Variants in TMEM123 observed in about 807,000 individuals in gnomAD.
TMEM123 encodes the protein porimin.
Under a neutral mutation model 19.7 loss-of-function variants are expected in TMEM123, and 16 were observed. The ratio of observed to expected loss-of-function variants is 0.81; its 90% CI spans 0.55 to 1.23. TMEM123 has a LOEUF of 1.23. TMEM123 is among the 50% of genes most tolerant of loss of function. TMEM123 has a pLI of 0.00. For synonymous variants in TMEM123, 118 were observed against 99.4 expected (o/e 1.19, Z -1.12); for missense variants, 313 against 257.8 (o/e 1.21, Z -1.47).
chr11:102,433,484 G>A (rs920655785), intron 2 of TMEM123, among the ~76,000 whole-genome samples: 1 of 151,850 alleles, frequency 6.6e-6, no homozygotes, highest in Non-Finnish European at 1.5e-5. Flanking sequence ...TACTCACATT[G>A]TATCTAGGAA....
At chr11:102,443,980 T>C (rs987717263) in intron 2 of TMEM123, among the ~76,000 whole-genome samples, 11 of 152,072 alleles carry the variant, frequency 7.2e-5, no homozygotes, top group Non-Finnish European at 1.3e-4. Context: ...GAAATGCAAA[T>C]CAAAACCACA....
chr11:102,438,132 C>A (rs1328107052), intron 2 of TMEM123, among the ~76,000 whole-genome samples: 1 of 152,198 alleles, frequency 6.6e-6, no homozygotes, highest in Non-Finnish European at 1.5e-5. Context: ...CGGCTCACTG[C>A]AATCTCTGCC....
intron 4 of TMEM123, 127 bp from the exon 5 acceptor site, chr11:102,399,018 T>C: frequency 1.2e-6 from 1 of 823,578 alleles, no homozygotes; most frequent in South Asian, 1.7e-5. Flanking sequence ...GTCAGTGTTC[T>C]GTGTAAAGTT....
intron 2 of TMEM123, among the ~76,000 whole-genome samples, chr11:102,424,844 A>G: frequency 6.6e-6 from 1 of 152,226 alleles, no homozygotes; most frequent in East Asian, 1.9e-4. Flanking sequence ...TCCTCAAGCC[A>G]CTACAGCCAG....
intron 2 of TMEM123, among the ~76,000 whole-genome samples, chr11:102,414,457 G>C (rs1442011613): frequency 6.6e-6 from 1 of 152,124 alleles, no homozygotes; most frequent in Non-Finnish European, 1.5e-5. Context: ...AGAAGGGGCA[G>C]GTAACTTACA....
chr11:102,399,870 TGAGGCAGGAGAATAGCTTGAACCCAG>T (rs1244502266), intron 4 of TMEM123, among the ~76,000 whole-genome samples: 1 of 151,722 alleles, frequency 6.6e-6, no homozygotes, highest in African/African-American at 2.4e-5. Flanking sequence ...CTGGGGAGGC[TGAGGCAGGAGAATAGCTTGAACCCAG>T]GAGGCAGAGG....
At chr11:102,448,316 C>T (rs964023530) in intron 2 of TMEM123, 6 of 455,612 alleles carry the variant, frequency 1.3e-5, no homozygotes, top group African/African-American at 1.2e-4. Context: ...AGGCCCAAGG[C>T]TTTGTCCCAA....
chr11:102,436,586 A>T (rs1857765249), intron 2 of TMEM123, among the ~76,000 whole-genome samples: 1 of 151,996 alleles, frequency 6.6e-6, no homozygotes, highest in Non-Finnish European at 1.5e-5. Context: ...AAAGAGATGA[A>T]GAGCCATGCA....
Position 102,401,690 on chromosome 11 carries a change from T to A in TMEM123, c.451A>T (p.Thr151Ser). ...TTTGCTTCAGAATGCATAGTTGTTG[T>A]GACTAGAACAAAAGAAAACAAAAAA... ...VTSAASSVTI[T>S]TTMHSEAKKG... is the part of the protein sequence containing the mutation. Residue 151 changes from threonine to serine, a missense_variant and splice_region_variant, in exon 4 of 5, where the codon ACA (threonine) becomes TCA (serine). Physicochemically the swap from Thr to Ser is moderately conservative, Grantham distance 58. Transcript: ENST00000398136. 2 of 1,576,748 alleles carry A rather than the reference T, an allele frequency of 1.3e-6. No homozygotes were observed. The highest frequency in any genetic ancestry group is 1.7e-6 in the Non-Finnish European group (2 of 1,170,852).
At chr11:102,399,889 G>A (rs1405080742) in intron 4 of TMEM123, among the ~76,000 whole-genome samples, 1 of 151,606 alleles carries the variant, frequency 6.6e-6, no homozygotes, top group East Asian at 1.9e-4. Context: ...AGAATAGCTT[G>A]AACCCAGGAG....
chr11:102,452,760 C>G lies in TMEM123; in HGVS notation c.-137G>C, dbSNP rs1021002379. 1.3e-4 allele frequency: 80 copies of G among 617,344 alleles called. No individual in the cohort carries two copies. The highest frequency in any genetic ancestry group is 1.8e-4 in the Non-Finnish European group (74 of 414,712). 38.2% of individuals were successfully genotyped at this position (617,344 alleles called of 1,614,324 possible). ...CGTTTCCCCTCCCGCCGCTTGCCCC[C>G]CGAATGACCAAATAGGGCGCAGGAG... is the stretch of plus-strand genomic sequence containing the variant. On this transcript the variant is annotated 5_prime_UTR_variant, in exon 1 of 5. Coordinates refer to ENST00000398136, the MANE Select transcript of TMEM123 (RefSeq NM_052932.3).
intron 2 of TMEM123, 106 bp downstream of exon 2, chr11:102,448,706 G>C: frequency 9.5e-7 from 1 of 1,053,456 alleles, no homozygotes; most frequent in South Asian, 1.3e-5. Context: ...AAGAACTCAG[G>C]GTTAAAACAG....
rs1951878492 is a variant in TMEM123 at position 102,398,290 on chromosome 11, A to ATTT, written c.*574_*576dup. 1 of 294,144 alleles carries ATTT rather than the reference A, an allele frequency of 3.4e-6. No individual in the cohort carries two copies. The highest frequency in any genetic ancestry group is 6.2e-6 in the Non-Finnish European group (1 of 161,496). 18.2% of individuals were successfully genotyped at this position (294,144 alleles called of 1,614,324 possible). A position where few individuals can be genotyped will look rare whatever the true frequency, so the allele number is the denominator to read the frequency against. On this transcript the variant is annotated 3_prime_UTR_variant, in exon 5 of 5. Coordinates refer to ENST00000398136, the MANE Select transcript of TMEM123 (RefSeq NM_052932.3). ...CTATTATTTTGGGTTTTATTTGAAAATTTTCTTTTTCTTGGAGTATTTTGT... is the reference window on the plus strand; with the variant it reads ...CTATTATTTTGGGTTTTATTTGAAAATTTTTTTCTTTTTCTTGGAGTATTTTGT...
chr11:102,398,912 C>T (rs1234362517), intron 4 of TMEM123, 21 bp from the exon 5 acceptor site: 1 of 1,600,620 alleles, frequency 6.2e-7, no homozygotes, highest in Admixed American at 1.7e-5. Flanking sequence ...TTAAAAGTTA[C>T]AATTACTTTG....
chr11:102,410,326 C>A lies in TMEM123; in HGVS notation c.158-8120G>T, dbSNP rs142017650. Among the ~76,000 whole-genome samples, 114 of 152,124 alleles carry A rather than the reference C, an allele frequency of 7.5e-4. 1 individual carries two copies. The highest frequency in any genetic ancestry group is 2.5e-3 in the African/African-American group (103 of 41,494). On this transcript the variant is annotated intron_variant, in intron 2 of 4. Transcript: ENST00000398136. ...GTTCATTCCCAGAACTGGAATTGAACTGCAAAGAAGCTGAGCAGAGAGGGT... is the reference window on the plus strand; with the variant it reads ...GTTCATTCCCAGAACTGGAATTGAAATGCAAAGAAGCTGAGCAGAGAGGGT...
chr11:102,412,043 CA>C (rs1387858030), intron 2 of TMEM123, among the ~76,000 whole-genome samples: 1 of 152,192 alleles, frequency 6.6e-6, no homozygotes, highest in African/African-American at 2.4e-5. Context: ...TATGTTACTT[CA>C]GGTGCCTGGG....
At chr11:102,429,213 C>T (rs931218755) in intron 2 of TMEM123, among the ~76,000 whole-genome samples, 2 of 152,186 alleles carry the variant, frequency 1.3e-5, no homozygotes, top group African/African-American at 4.8e-5. Context: ...GAATGTTGGA[C>T]AGCAGGTGTC....
At chr11:102,406,597 C>T (rs1483976928) in intron 2 of TMEM123, among the ~76,000 whole-genome samples, 2 of 152,034 alleles carry the variant, frequency 1.3e-5, no homozygotes, top group South Asian at 2.1e-4. Flanking sequence ...TTCCTGGGGC[C>T]GAGTGCAGTG....
intron 4 of TMEM123, among the ~76,000 whole-genome samples, chr11:102,400,667 G>A (rs1428527288): frequency 3.3e-5 from 5 of 152,208 alleles, no homozygotes; most frequent in African/African-American, 4.8e-5. Context: ...TAGTTAGGTC[G>A]TGAGGGTGGA....
Sources: allele counts gnomAD v4.1 joint callset (sites outside exome capture counted in the v4.1 genomes callset), GRCh38; gene constraint gnomAD v4.1.1; transcripts MANE v1.5; gene names NCBI Gene and HGNC (gene_info 2026-07-23, HGNC 2026-07-21).